The following POC1B variants were observed in gnomAD, a reference collection of about 807,000 sequenced individuals.
POC1B encodes the protein POC1 centriolar protein homolog B.
In POC1B, 44 loss-of-function variants were observed where a neutral mutation model predicts 60.6. The observed-to-expected ratio is 0.73, with a 90% CI of 0.57 to 0.93. The LOEUF (loss-of-function observed/expected upper bound fraction) is 0.93. POC1B is among the 40% of genes least tolerant of loss of function. POC1B has a pLI of 0.00. For missense variants in POC1B, 555 were observed against 572.3 expected (o/e 0.97, Z 0.31); for synonymous variants, 180 against 198.9 (o/e 0.90, Z 0.80).
intron 10 of POC1B, among the ~76,000 whole-genome samples, chr12:89,431,240 T>C (rs933532640): frequency 1.3e-5 from 2 of 152,210 alleles, no homozygotes; most frequent in Non-Finnish European, 2.9e-5. Flanking sequence ...ATTCTGTAAG[T>C]AGAGAAGAAA....
chr12:89,433,564 C>T (rs1371234573), intron 10 of POC1B, among the ~76,000 whole-genome samples: 1 of 152,084 alleles, frequency 6.6e-6, no homozygotes, highest in Admixed American at 6.5e-5. Context: ...TAATGATGGA[C>T]CACAGAATGT....
chr12:89,442,376 A>T (rs1881563354), intron 10 of POC1B, among the ~76,000 whole-genome samples: 1 of 152,232 alleles, frequency 6.6e-6, no homozygotes, highest in African/African-American at 2.4e-5. Context: ...TTACCCACAA[A>T]GGGAAGCCCA....
At chr12:89,475,017 G>A (rs1225641088) in intron 4 of POC1B, among the ~76,000 whole-genome samples, 1 of 152,170 alleles carries the variant, frequency 6.6e-6, no homozygotes, top group African/African-American at 2.4e-5. Flanking sequence ...TGGGTAGTAG[G>A]AATATAGCTG....
rs146119127 is a variant in POC1B, at chr12:89,457,966, C to T, written c.1113+1672G>A. 8.8e-3 allele frequency among the ~76,000 whole-genome samples: 1,340 copies of T among 152,274 alleles called. 68 individuals are homozygous for T. The highest frequency in any genetic ancestry group is 0.075 in the Admixed American group (1,153 of 15,278). ...TATGTACAATCTATACTACAAGGGACATCCTGCTGTCCCTTGCTAAGAGGC... is the reference window on the plus strand; with the variant it reads ...TATGTACAATCTATACTACAAGGGATATCCTGCTGTCCCTTGCTAAGAGGC... On this transcript the variant is annotated intron_variant, in intron 10 of 11. Coordinates refer to ENST00000313546, the MANE Select transcript of POC1B (RefSeq NM_172240.3).
intron 10 of POC1B, among the ~76,000 whole-genome samples, chr12:89,435,523 C>T (rs1881219451): frequency 6.6e-6 from 1 of 152,028 alleles, no homozygotes; most frequent in Non-Finnish European, 1.5e-5. Flanking sequence ...GTATCAAATC[C>T]TTCATCATAA....
At chr12:89,473,467 T>C (rs1305425122) in intron 4 of POC1B, among the ~76,000 whole-genome samples, 1 of 152,024 alleles carries the variant, frequency 6.6e-6, no homozygotes, top group African/African-American at 2.4e-5. Context: ...GGTCAGGAGT[T>C]CGAGACCAGC....
intron 2 of POC1B, among the ~76,000 whole-genome samples, chr12:89,502,948 C>G (rs535112952): frequency 5.2e-4 from 79 of 152,206 alleles, no homozygotes; most frequent in African/African-American, 1.7e-3. Context: ...GATGAAAGAT[C>G]AACCAACCTT....
At chr12:89,483,848 AT>A (rs1868485760) in intron 4 of POC1B, among the ~76,000 whole-genome samples, 2 of 127,928 alleles carry the variant, frequency 1.6e-5, no homozygotes, top group Non-Finnish European at 3.5e-5. Context: ...ATGATATCAG[AT>A]GGAAACTTGG....
intron 10 of POC1B, among the ~76,000 whole-genome samples, chr12:89,445,320 C>T (rs1002491698): frequency 6.6e-6 from 1 of 152,106 alleles, no homozygotes; most frequent in African/African-American, 2.4e-5. Flanking sequence ...GCCAAAAGAA[C>T]AAAGCTGGAG....
At chr12:89,415,361 T>C (rs530202153), downstream of POC1B, among the ~76,000 whole-genome samples, 3 of 152,264 alleles carry the variant, frequency 2.0e-5, no homozygotes, top group East Asian at 1.9e-4. Context: ...ATAACAATAA[T>C]AGCCGGGTGC....
chr12:89,476,608 T>C (rs1419638359), intron 4 of POC1B, among the ~76,000 whole-genome samples: 2 of 151,958 alleles, frequency 1.3e-5, no homozygotes, highest in African/African-American at 4.8e-5. Context: ...CTTGGGAGGC[T>C]AAGGCAAGAG....
chr12:89,432,383 T>TA (rs57839375), intron 10 of POC1B, among the ~76,000 whole-genome samples: 12 of 32,048 alleles, frequency 3.7e-4, no homozygotes, highest in African/African-American at 1.1e-3. Context: ...CTCTGTTTCT[T>TA]AAAAAAAAAA....
chr12:89,510,921 T>A (rs8181612), intron 2 of POC1B, among the ~76,000 whole-genome samples: 108,433 of 151,224 alleles, frequency 0.72, 38,989 homozygotes, highest in Middle Eastern at 0.82. Context: ...CACTGGCTAA[T>A]TTTTTTTGTA....
intron 4 of POC1B, among the ~76,000 whole-genome samples, chr12:89,489,600 G>A (rs1322757913): frequency 3.3e-5 from 5 of 152,064 alleles, no homozygotes; most frequent in South Asian, 4.2e-4. Flanking sequence ...AGACCATAAC[G>A]ACAGTGAGGA....
At chr12:89,520,660 T>C (rs1476371461) in intron 2 of POC1B, 1 of 152,214 alleles carries the variant, frequency 6.6e-6, no homozygotes. Context: ...CAAGATTGCA[T>C]AGCAATTTTA....
At chr12:89,411,638 G>GT in the POC1B span, among the ~76,000 whole-genome samples, 29,212 of 152,154 alleles carry the variant, frequency 0.19, 3,013 homozygotes, top group East Asian at 0.36. Flanking sequence ...GTTCTCGTGA[G>GT]TAAGAACTGC....
intron 2 of POC1B, chr12:89,521,423 A>C (rs1870861691): frequency 6.6e-6 from 1 of 152,192 alleles, no homozygotes; most frequent in Admixed American, 6.6e-5. Flanking sequence ...TAATTTTTAA[A>C]ACCCATTTCT....
intron 4 of POC1B, among the ~76,000 whole-genome samples, chr12:89,478,913 T>C (rs535274885): frequency 1.3e-5 from 2 of 152,314 alleles, no homozygotes; most frequent in South Asian, 4.1e-4. Context: ...TTAAGAACAC[T>C]ATAAAGAAAT....
intron 10 of POC1B, chr12:89,426,249 G>C (rs561922417): frequency 2.0e-5 from 3 of 152,266 alleles, no homozygotes; most frequent in Non-Finnish European, 4.4e-5. Flanking sequence ...GTAATGGGGA[G>C]TTATTGCTCA....
Sources: allele counts gnomAD v4.1 joint callset (sites outside exome capture counted in the v4.1 genomes callset), GRCh38; gene constraint gnomAD v4.1.1; transcripts MANE v1.5; gene names NCBI Gene and HGNC (gene_info 2026-07-23, HGNC 2026-07-21).